LRP1B: variants seen among roughly 807,000 people sequenced by gnomAD.
The protein encoded by LRP1B is low-density lipoprotein receptor-related protein 1B.
In LRP1B, 217 loss-of-function variants were observed where a neutral mutation model predicts 556.6. That is an observed-to-expected ratio of 0.39 (90% CI 0.35 to 0.44). The LOEUF is 0.44. LRP1B is among the 20% of genes least tolerant of loss of function. The pLI is 1.00. For synonymous variants in LRP1B, 2,047 were observed against 1,865.8 expected, an observed-to-expected ratio of 1.10 and a Z score of -2.50; for missense variants, 5,053 against 5,620.8, an observed-to-expected ratio of 0.90 and a Z score of 3.23.
intron 21 of LRP1B, among the ~76,000 whole-genome samples, chr2:140,914,736 A>G (rs1372797518): frequency 6.6e-6 from 1 of 152,174 alleles, no homozygotes; most frequent in African/African-American, 2.4e-5. Flanking sequence ...GTGAAATAAA[A>G]AGAGGACTCT....
chr2:140,389,278 T>C (rs1683905376), intron 66 of LRP1B, among the ~76,000 whole-genome samples: 3 of 151,988 alleles, frequency 2.0e-5, no homozygotes, highest in Admixed American at 2.0e-4. Flanking sequence ...TGTTTGTATA[T>C]GGATGGGATA....
chr2:140,856,384 G>A (rs1692618429), intron 27 of LRP1B, among the ~76,000 whole-genome samples: 1 of 152,136 alleles, frequency 6.6e-6, no homozygotes, highest in South Asian at 2.1e-4. Flanking sequence ...CTTTTACACA[G>A]CAATTAGACA....
At chr2:141,380,577 G>GTGCAA (rs1689600752) in intron 3 of LRP1B, among the ~76,000 whole-genome samples, 1 of 152,166 alleles carries the variant, frequency 6.6e-6, no homozygotes, top group Non-Finnish European at 1.5e-5. Context: ...ACAGGGCTTG[G>GTGCAA]AATTCATTAG....
chr2:140,590,238 GTA>G (rs963601325), intron 43 of LRP1B, among the ~76,000 whole-genome samples: 3 of 124,270 alleles, frequency 2.4e-5, no homozygotes, highest in African/African-American at 3.0e-5. Flanking sequence ...TTTTAAATGT[GTA>G]TATATATATA....
intron 20 of LRP1B, among the ~76,000 whole-genome samples, chr2:140,930,925 A>T (rs1695030186): frequency 6.6e-6 from 1 of 152,078 alleles, no homozygotes; most frequent in East Asian, 1.9e-4. Context: ...TCTGTTAACC[A>T]ACACAATGTG....
intron 79 of LRP1B, among the ~76,000 whole-genome samples, chr2:140,328,480 A>G (rs1263931582): frequency 1.3e-5 from 2 of 151,264 alleles, no homozygotes; most frequent in East Asian, 3.9e-4. Context: ...ATGAAAGAAA[A>G]AAAAAAAGAA....
intron 43 of LRP1B, among the ~76,000 whole-genome samples, chr2:140,575,583 T>A (rs1318069446): frequency 6.6e-6 from 1 of 152,098 alleles, no homozygotes; most frequent in Admixed American, 6.5e-5. Context: ...TTAATAAGAA[T>A]GGAAGAAAAG....
At chr2:141,682,633 G>T (rs1691145516) in intron 2 of LRP1B, among the ~76,000 whole-genome samples, 1 of 152,116 alleles carries the variant, frequency 6.6e-6, no homozygotes, top group Non-Finnish European at 1.5e-5. Flanking sequence ...TCGAGTACAT[G>T]TGTACTTTTA....
chr2:141,522,536 A>T (rs989421457), intron 2 of LRP1B, among the ~76,000 whole-genome samples: 2 of 152,168 alleles, frequency 1.3e-5, no homozygotes, highest in Admixed American at 6.6e-5. Context: ...TTGGCCTGGA[A>T]GTATTTTACT....
At chr2:141,952,346 T>C (rs1213042351) in intron 1 of LRP1B, among the ~76,000 whole-genome samples, 2 of 152,178 alleles carry the variant, frequency 1.3e-5, no homozygotes, top group Non-Finnish European at 2.9e-5. Flanking sequence ...GCATGATTTA[T>C]AATCCTTTGG....
chr2:141,088,350 T>C (rs1039592804), intron 7 of LRP1B, among the ~76,000 whole-genome samples: 2 of 152,204 alleles, frequency 1.3e-5, no homozygotes, highest in African/African-American at 4.8e-5. Flanking sequence ...TGAGTCTCTT[T>C]CTTTATAGAA....
At chr2:141,928,729 G>A (rs1262749678) in intron 1 of LRP1B, among the ~76,000 whole-genome samples, 1 of 152,086 alleles carries the variant, frequency 6.6e-6, no homozygotes, top group Non-Finnish European at 1.5e-5. Flanking sequence ...TCATATGGCA[G>A]AATTTATGTC....
intron 60 of LRP1B, among the ~76,000 whole-genome samples, chr2:140,458,986 T>C (rs1261320089): frequency 1.3e-5 from 2 of 152,052 alleles, no homozygotes; most frequent in African/African-American, 4.8e-5. Flanking sequence ...TAGAAATTCA[T>C]CTCAGAACAG....
intron 35 of LRP1B, among the ~76,000 whole-genome samples, chr2:140,730,201 C>G (rs182015652): frequency 8.9e-4 from 135 of 152,294 alleles, no homozygotes; most frequent in African/African-American, 3.2e-3. Flanking sequence ...CCTAAATGGT[C>G]GCCTTCCTTT....
intron 1 of LRP1B, among the ~76,000 whole-genome samples, chr2:141,958,415 T>A (rs61482562): frequency 6.6e-6 from 1 of 151,890 alleles, no homozygotes; most frequent in Non-Finnish European, 1.5e-5. Context: ...AGACTTTGGG[T>A]TTTTTGCCTC....
chr2:141,335,465 G>A lies in LRP1B; in HGVS notation c.344-80824C>T, dbSNP rs146253308. Among the ~76,000 whole-genome samples the A allele has an allele frequency of 3.7e-3, 569 of 152,222 alleles. 1 individual carries two copies. The highest frequency in any genetic ancestry group is 0.013 in the African/African-American group (538 of 41,548). Reference sequence around the variant, plus strand: ...CTGAAATAGAGTAGTTTAGGGTCACGCTAAGGACCTTGTCTGCCATCAAAG... The same window carrying A: ...CTGAAATAGAGTAGTTTAGGGTCACACTAAGGACCTTGTCTGCCATCAAAG... On this transcript the variant is annotated intron_variant, in intron 3 of 90. Coordinates refer to ENST00000389484, the MANE Select transcript of LRP1B (RefSeq NM_018557.3).
At chr2:142,006,418 G>A (rs1702802809) in intron 1 of LRP1B, among the ~76,000 whole-genome samples, 2 of 152,178 alleles carry the variant, frequency 1.3e-5, no homozygotes, top group African/African-American at 4.8e-5. Flanking sequence ...AGGCTGTTAT[G>A]AAGCTAATAG....
chr2:140,629,471 T>C (rs1386109730), intron 41 of LRP1B, among the ~76,000 whole-genome samples: 1 of 151,568 alleles, frequency 6.6e-6, no homozygotes, highest in East Asian at 1.9e-4. Context: ...TATACCAGTA[T>C]AAAAACAGGC....
At chr2:141,227,041 C>T (rs951888493) in intron 6 of LRP1B, among the ~76,000 whole-genome samples, 1 of 152,060 alleles carries the variant, frequency 6.6e-6, no homozygotes, top group Non-Finnish European at 1.5e-5. Context: ...TCCCTAACAA[C>T]AACAACAACA....
Sources: gnomAD v4.1 joint callset for allele counts (sites outside exome capture counted in the v4.1 genomes callset) on GRCh38, gnomAD v4.1.1 for gene constraint, MANE v1.5 for transcripts, NCBI Gene and HGNC (gene_info 2026-07-23, HGNC 2026-07-21) for gene names.